UBE3A: variants seen among roughly 807,000 people sequenced by gnomAD.
UBE3A encodes the protein ubiquitin protein ligase E3A.
In UBE3A, 6 loss-of-function variants were observed where a neutral mutation model predicts 83.4. That is an observed-to-expected ratio of 0.07 (90% confidence interval 0.04 to 0.14). The LOEUF is 0.14. Among genes scored for constraint, UBE3A ranks in the 10% least tolerant of loss-of-function variants. UBE3A has a pLI of 1.00. For synonymous variants in UBE3A, 337 were observed against 355.4 expected (o/e 0.95, Z 0.58); for missense variants, 456 against 1,036.1 (o/e 0.44, Z 7.69).
intron 7 of UBE3A, among the ~76,000 whole-genome samples, chr15:25,358,642 C>G (rs907554201): frequency 2.0e-5 from 3 of 152,036 alleles, no homozygotes; most frequent in Admixed American, 6.6e-5. Context: ...GTATTTTAAC[C>G]TGTTTATAAG....
At position 25,409,212 on chromosome 15, in the gene UBE3A, T is replaced by G; in HGVS notation, c.-100-5A>C. ...CTGAGCGTAGGCTTAATAACTCTAA[T>G]AAATTAAACAAACCTTTGGTTAGAA... On this transcript the variant is annotated splice_region_variant and splice_polypyrimidine_tract_variant and intron_variant, in intron 2 of 12. Transcript: ENST00000648336. 9.4e-7 allele frequency: 1 copy of G among 1,067,810 alleles called. No homozygotes were observed. The allele number at this position is 1,067,810 out of a possible 1,614,324, so 66.1% of individuals were successfully genotyped here.
intron 6 of UBE3A, among the ~76,000 whole-genome samples, chr15:25,369,350 TA>T (rs796250204): frequency 0.014 from 1,424 of 99,592 alleles, 12 homozygotes; most frequent in African/African-American, 0.04. Flanking sequence ...TATCTGACAT[TA>T]AAAAAAAAAA....
intron 11 of UBE3A, chr15:25,354,125 TGC>T (rs1284945460): frequency 3.4e-6 from 2 of 582,734 alleles, no homozygotes; most frequent in African/African-American, 3.8e-5. Flanking sequence ...ATACGCCAAA[TGC>T]AGGAGATTAC....
intron 1 of UBE3A, among the ~76,000 whole-genome samples, chr15:25,433,416 G>T (rs1206750733): frequency 1.3e-5 from 2 of 152,036 alleles, no homozygotes; most frequent in Non-Finnish European, 2.9e-5. Flanking sequence ...TCGATCTCCT[G>T]ATCTCGTGAT....
intron 1 of UBE3A, among the ~76,000 whole-genome samples, chr15:25,436,651 G>GT: frequency 6.6e-6 from 1 of 152,116 alleles, no homozygotes; most frequent in Non-Finnish European, 1.5e-5. Context: ...GACACTGTAG[G>GT]TACCCAATAA....
intron 4 of UBE3A, chr15:25,391,823 A>T (rs986356836): frequency 6.6e-6 from 1 of 152,264 alleles, no homozygotes; most frequent in Non-Finnish European, 1.5e-5. Context: ...TTTTGGGGTA[A>T]AACAGTTTTG....
Position 25,333,824 on chromosome 15 carries a change from A to G in UBE3A, c.*5313T>C, listed in dbSNP as rs761144910. 7 of 152,204 alleles carry G rather than the reference A, an allele frequency of 4.6e-5. No homozygotes were observed. Among genetic ancestry groups the G allele is most frequent in the Non-Finnish European group, 7.3e-5 (5 of 68,030 alleles). The allele number at this position is 152,204 out of a possible 1,614,324, so 9.4% of individuals were successfully genotyped here. On this transcript the variant is annotated 3_prime_UTR_variant, in exon 13 of 13. Coordinates refer to ENST00000648336, the MANE Select transcript of UBE3A (RefSeq NM_130839.5). ...ATATACAAAAGTCCATTAATACAACATATTAATAAAGGACAAAACAACATG... is the reference window on the plus strand; with the variant it reads ...ATATACAAAAGTCCATTAATACAACGTATTAATAAAGGACAAAACAACATG...
intron 4 of UBE3A, among the ~76,000 whole-genome samples, chr15:25,403,855 G>C (rs990520189): frequency 6.6e-6 from 1 of 152,084 alleles, no homozygotes; most frequent in African/African-American, 2.4e-5. Flanking sequence ...TCATAAAAGG[G>C]CAAAAACTGT....
At chr15:25,397,734 C>T (rs999462059) in intron 4 of UBE3A, among the ~76,000 whole-genome samples, 3 of 152,072 alleles carry the variant, frequency 2.0e-5, no homozygotes, top group Non-Finnish European at 4.4e-5. Context: ...TAACCGAATG[C>T]CTTCTCTTTC....
chr15:25,433,156 A>G (rs1443460287), intron 1 of UBE3A, among the ~76,000 whole-genome samples: 1 of 152,090 alleles, frequency 6.6e-6, no homozygotes, highest in Non-Finnish European at 1.5e-5. Flanking sequence ...AAATGAATTC[A>G]CACACTAAAA....
intron 4 of UBE3A, among the ~76,000 whole-genome samples, chr15:25,398,209 AG>A (rs1397480508): frequency 6.6e-6 from 1 of 151,770 alleles, no homozygotes; most frequent in Non-Finnish European, 1.5e-5. Flanking sequence ...AACAAAAAAA[AG>A]GATACATATT....
chr15:25,428,583 G>A (rs1044671324), intron 1 of UBE3A, among the ~76,000 whole-genome samples: 2 of 152,148 alleles, frequency 1.3e-5, no homozygotes, highest in South Asian at 2.1e-4. Context: ...AATGTTGTAC[G>A]ATAGTGTGCC....
chr15:25,438,304 G>C (rs1895778888), intron 1 of UBE3A, 185 bp downstream of exon 1: 1 of 152,360 alleles, frequency 6.6e-6, no homozygotes. Context: ...TACGGCTGCA[G>C]CAGCCGCGGC....
chr15:25,371,469 G>A lies in UBE3A; in HGVS notation c.705C>T (p.Ala235=), dbSNP rs149824737. Residue 235 remains alanine (A), a synonymous_variant, in exon 6 of 13, where the codon GCC becomes GCT. Transcript: ENST00000648336. The surrounding 1 kb of genome is among the most constrained non-coding windows in gnomAD (Gnocchi z 5.3). ...GCAATCTGGTGTAGACCCTTCTAAT[G>A]GCATCAATATCCACAGACACATCAT... ...GPDDVSVDID[A]IRRVYTRLLS... is the part of the protein sequence containing the mutation. 6.2e-7 allele frequency: 1 copy of A among 1,613,998 alleles called. No homozygotes were observed. The highest frequency in any genetic ancestry group is 1.1e-5 in the South Asian group (1 of 91,060).
chr15:25,409,163 C>T lies in UBE3A; in HGVS notation c.-56G>A. On this transcript the variant is annotated 5_prime_UTR_variant, in exon 3 of 13. The change creates a new upstream start codon in the 5' untranslated region. Transcript: ENST00000648336. ...GTCACTGATTAAAAACAGGTTGTCA[C>T]ACCAGTCTAGCTGCTACCTTGATCT... 6.4e-7 allele frequency: 1 copy of T among 1,566,766 alleles called. No homozygotes were observed. The highest frequency in any genetic ancestry group is 8.7e-7 in the Non-Finnish European group (1 of 1,148,336).
intron 6 of UBE3A, among the ~76,000 whole-genome samples, chr15:25,368,224 C>T (rs1209451102): frequency 1.3e-5 from 2 of 152,098 alleles, no homozygotes; most frequent in African/African-American, 2.4e-5. Context: ...AAACCACTTT[C>T]TATTATAGAA....
chr15:25,340,363 G>T, intron 11 of UBE3A, 135 bp from the exon 12 acceptor site: 3 of 1,097,954 alleles, frequency 2.7e-6, no homozygotes, highest in Non-Finnish European at 4.0e-6. Flanking sequence ...ATCACTTCTG[G>T]TGATTTAAAA....
chr15:25,402,333 T>A (rs984010939), intron 4 of UBE3A, among the ~76,000 whole-genome samples: 2 of 152,092 alleles, frequency 1.3e-5, no homozygotes, highest in Non-Finnish European at 2.9e-5. Context: ...TCTACTAGAG[T>A]GAGCCTGAAC....
At chr15:25,406,677 C>T (rs1410563136) in intron 3 of UBE3A, among the ~76,000 whole-genome samples, 1 of 123,392 alleles carries the variant, frequency 8.1e-6, no homozygotes, top group Non-Finnish European at 1.7e-5. Flanking sequence ...TAACAAGAAT[C>T]TTAAAATCAG....
Sources: allele counts gnomAD v4.1 joint callset (sites outside exome capture counted in the v4.1 genomes callset), GRCh38; gene constraint gnomAD v4.1.1; non-coding constraint Gnocchi (gnomAD v3.1); transcripts MANE v1.5; gene names NCBI Gene and HGNC (gene_info 2026-07-23, HGNC 2026-07-21).